HAUS6: variants seen among roughly 807,000 people sequenced by gnomAD.
HAUS6 encodes HAUS augmin like complex subunit 6.
In HAUS6, 80 loss-of-function variants were observed where a neutral mutation model predicts 106.8. The ratio of observed to expected loss-of-function variants is 0.75; its 90% CI spans 0.63 to 0.90. HAUS6 has a LOEUF of 0.90. Among genes scored for constraint, HAUS6 ranks in the 40% least tolerant of loss-of-function variants. HAUS6 has a pLI of 0.00. For missense variants in HAUS6, 1,155 were observed against 1,118.1 expected, an observed-to-expected ratio of 1.03 and a Z score of -0.47; for synonymous variants, 356 against 379.1, an observed-to-expected ratio of 0.94 and a Z score of 0.71.
intron 1 of HAUS6, among the ~76,000 whole-genome samples, chr9:19,097,809 C>A (rs569312449): frequency 6.6e-6 from 1 of 150,584 alleles, no homozygotes; most frequent in South Asian, 2.1e-4. Context: ...GAACACTAAA[C>A]CCTTTAAGAA....
intron 14 of HAUS6, 31 bp downstream of exon 14, chr9:19,062,977 T>G: frequency 2.0e-6 from 3 of 1,500,862 alleles, no homozygotes; most frequent in Non-Finnish European, 2.8e-6. Context: ...ATAACTGATA[T>G]TTAAGTATAC....
At chr9:19,070,162 T>A in intron 12 of HAUS6, 57 bp downstream of exon 12, 1 of 1,007,654 alleles carries the variant, frequency 9.9e-7, no homozygotes, top group South Asian at 1.4e-5. Context: ...CCATCTCTAT[T>A]TTTTATAAAA....
chr9:19,083,846 A>G (rs1182712747), intron 7 of HAUS6, among the ~76,000 whole-genome samples: 1 of 151,980 alleles, frequency 6.6e-6, no homozygotes, highest in East Asian at 1.9e-4. Context: ...AAACTACTAC[A>G]TCTCAATTTT....
At chr9:19,082,677 C>T (rs1436919748) in intron 8 of HAUS6, among the ~76,000 whole-genome samples, 196 bp downstream of exon 8, 1 of 151,736 alleles carries the variant, frequency 6.6e-6, no homozygotes, top group East Asian at 1.9e-4. Context: ...ACCTGGGAGG[C>T]GGAGGTTGCA....
chr9:19,054,266 T>TA lies in HAUS6; in HGVS notation c.*2076dup, dbSNP rs952282627. 24 of 152,300 alleles carry TA rather than the reference T, an allele frequency of 1.6e-4. No individual in the cohort carries two copies. Among genetic ancestry groups the TA allele is most frequent in the Admixed American group, 5.2e-4 (8 of 15,296 alleles). 9.4% of individuals were successfully genotyped at this position (152,300 alleles called of 1,614,324 possible). Reference sequence around the variant, plus strand: ...AGAGGAAATCCGTTACAGGGGAACTTACATGCCTTTAAATTTGAACTCTAT... The same window carrying TA: ...AGAGGAAATCCGTTACAGGGGAACTTAACATGCCTTTAAATTTGAACTCTAT... On this transcript the variant is annotated 3_prime_UTR_variant, in exon 17 of 17. Transcript: ENST00000380502.
chr9:19,088,074 A>G (rs1054032683), intron 5 of HAUS6, among the ~76,000 whole-genome samples: 1 of 152,202 alleles, frequency 6.6e-6, no homozygotes, highest in African/African-American at 2.4e-5. Context: ...TACCTGAAAG[A>G]ATATCTGCTT....
intron 14 of HAUS6, among the ~76,000 whole-genome samples, chr9:19,061,159 C>T (rs6475314): frequency 0.4 from 61,417 of 152,014 alleles, 13,957 homozygotes; most frequent in African/African-American, 0.63. Context: ...TGCAAAACTC[C>T]GTCTCAAAAA....
chr9:19,088,432 A>G (rs1037451268), intron 5 of HAUS6, among the ~76,000 whole-genome samples: 4 of 150,600 alleles, frequency 2.7e-5, no homozygotes, highest in African/African-American at 9.8e-5. Context: ...AAAAAAAAAT[A>G]GTAATACACT....
At position 19,058,184 on chromosome 9, in the gene HAUS6, T is replaced by G; in HGVS notation, c.2583A>C (p.Arg861Ser). The G allele has an allele frequency of 6.2e-7, 1 of 1,613,960 alleles. No individual in the cohort carries two copies. Among genetic ancestry groups the G allele is most frequent in the Non-Finnish European group, 8.5e-7 (1 of 1,179,846 alleles). ...SYLSNSQTPE[R>S]HKPELSPTPQ... ...GAGTAGGGCTCAATTCTGGTTTGTG[T>G]CTTTCGGGTGTTTGGGAATTCGAGA... is the stretch of plus-strand genomic sequence containing the variant. The change falls in exon 16 of 17, where the codon AGA becomes AGC. Residue 861 changes from arginine (R) to serine (S), a missense_variant. Coordinates refer to ENST00000380502, the MANE Select transcript of HAUS6 (RefSeq NM_017645.5).
rs544376350 is a variant in HAUS6 at position 19,102,113 on chromosome 9, A to T, written c.128+411T>A. 2.0e-5 allele frequency among the ~76,000 whole-genome samples: 3 copies of T among 152,322 alleles called. No homozygotes were observed. In the South Asian group the frequency reaches 6.2e-4, roughly 32 times the overall value. Reference sequence around the variant, plus strand: ...ACATGCCTTACTAATTAAAAAATTAAAAATTATAAAATTAAACAACCACCT... The same window carrying T: ...ACATGCCTTACTAATTAAAAAATTATAAATTATAAAATTAAACAACCACCT... On this transcript the variant is annotated intron_variant, in intron 1 of 16. Transcript: ENST00000380502.
intron 7 of HAUS6, among the ~76,000 whole-genome samples, chr9:19,085,311 A>G (rs571161444): frequency 3.3e-5 from 5 of 152,290 alleles, no homozygotes; most frequent in South Asian, 2.1e-4. Flanking sequence ...GACTGATGTG[A>G]AAACTTTAAT....
intron 9 of HAUS6, 144 bp downstream of exon 9, chr9:19,080,335 C>T (rs1012145284): frequency 4.9e-5 from 30 of 609,520 alleles, no homozygotes; most frequent in Non-Finnish European, 7.9e-5. Context: ...TGTATATCTC[C>T]AAGAGTTGAT....
rs968816909 is a variant in HAUS6 at position 19,053,622 on chromosome 9, A to T, written c.*2721T>A. Reference sequence around the variant, plus strand: ...ACATTTAAAATAATTAGAACATTTTAGCATTATCTCAGGTTTCAAGCTGAT... The same window carrying T: ...ACATTTAAAATAATTAGAACATTTTTGCATTATCTCAGGTTTCAAGCTGAT... On this transcript the variant is annotated 3_prime_UTR_variant, in exon 17 of 17. Coordinates refer to ENST00000380502, the MANE Select transcript of HAUS6 (RefSeq NM_017645.5). 2 of 152,222 alleles carry T rather than the reference A, an allele frequency of 1.3e-5. No homozygotes were observed. The highest frequency in any genetic ancestry group is 4.8e-5 in the African/African-American group (2 of 41,466). 9.4% of individuals were successfully genotyped at this position (152,222 alleles called of 1,614,324 possible).
chr9:19,056,473 T>C (rs1836473230), intron 16 of HAUS6, 69 bp from the exon 17 acceptor site: 6 of 823,348 alleles, frequency 7.3e-6, no homozygotes, highest in Middle Eastern at 2.2e-4. Context: ...TTCCAAGCAA[T>C]AGCAAATTTT....
chr9:19,076,631 A>C lies in HAUS6; in HGVS notation c.1265T>G (p.Ile422Ser), dbSNP rs1837011923. ...AAGTGAAGCAGGATACTGACAAAGA[A>C]TACTCTTTGCATACACTTCTTCTGA... is the stretch of plus-strand genomic sequence containing the variant. ...PASEEVYAKSILCQYPASLPD... is the reference protein window; with the variant it reads ...PASEEVYAKSSLCQYPASLPD... The change falls in exon 11 of 17, where the codon ATT (isoleucine) becomes AGT (serine). Residue 422 changes from isoleucine (I) to serine (S), a missense_variant. Ile to Ser is a moderately radical substitution (Grantham distance 142). Coordinates refer to ENST00000380502, the MANE Select transcript of HAUS6 (RefSeq NM_017645.5). The C allele has an allele frequency of 6.3e-7, 1 of 1,580,336 alleles. No homozygotes were observed.
At chr9:19,069,745 A>C (rs1161040915) in intron 12 of HAUS6, among the ~76,000 whole-genome samples, 2 of 152,194 alleles carry the variant, frequency 1.3e-5, no homozygotes, top group African/African-American at 4.8e-5. Flanking sequence ...AGAGTAAATA[A>C]GATTGGAAAC....
At chr9:19,069,372 G>C (rs926389204) in intron 12 of HAUS6, among the ~76,000 whole-genome samples, 3 of 152,138 alleles carry the variant, frequency 2.0e-5, no homozygotes, top group Non-Finnish European at 4.4e-5. Flanking sequence ...TGGGTCTATG[G>C]TAGAAAAATA....
At position 19,063,526 on chromosome 9, in the gene HAUS6, T is replaced by C. The variant is rs539159679; in HGVS notation, c.1431A>G (p.Thr477=). The C allele has an allele frequency of 1.9e-6, 3 of 1,572,000 alleles. No homozygotes were observed. In the South Asian group the frequency reaches 3.3e-5, roughly 17 times the overall value. Residue 477 remains threonine (T), a synonymous_variant, in exon 13 of 17, where the codon ACA becomes ACG. Coordinates refer to ENST00000380502, the MANE Select transcript of HAUS6 (RefSeq NM_017645.5). The part of the protein sequence containing the change: ...SVSSSDRNSV[T]VLEKDTKMGT... The stretch of plus-strand genomic sequence containing the variant: ...TTTTAAAATATACCTTTTCAAGTAC[T>C]GTAACACTGTTTCTATCTGATGATG...
Position 19,053,390 on chromosome 9 carries a change from T to C in HAUS6, c.*2953A>G, listed in dbSNP as rs920937296. 5 of 152,210 alleles carry C rather than the reference T, an allele frequency of 3.3e-5. No homozygotes were observed. Among genetic ancestry groups the C allele is most frequent in the African/African-American group, 1.2e-4 (5 of 41,470 alleles). The allele number at this position is 152,210 out of a possible 1,614,324, so 9.4% of individuals were successfully genotyped here. A position where few individuals can be genotyped will look rare whatever the true frequency, so the allele number is the denominator to read the frequency against. ...CTCTCACAGTAGGAAGATAATAGTC[T>C]GCTTTTACACAGGTCTCCAGAATTC... On this transcript the variant is annotated 3_prime_UTR_variant, in exon 17 of 17. Coordinates refer to ENST00000380502, the MANE Select transcript of HAUS6 (RefSeq NM_017645.5).
Sources: allele counts gnomAD v4.1 joint callset (sites outside exome capture counted in the v4.1 genomes callset), GRCh38; gene constraint gnomAD v4.1.1; transcripts MANE v1.5; gene names NCBI Gene and HGNC (gene_info 2026-07-23, HGNC 2026-07-21).